Variants in IL33 observed in about 807,000 individuals in gnomAD.
IL33 encodes interleukin 33, also known as interleukin-33.
In IL33, 37 loss-of-function variants were observed where a neutral mutation model predicts 27.3. That is an observed-to-expected ratio of 1.36 (90% CI 1.04 to 1.78). The LOEUF (loss-of-function observed/expected upper bound fraction) is 1.78, where lower values mean the gene tolerates loss of function less well. Ranked by LOEUF, IL33 falls within the 40% of genes most tolerant of loss-of-function variation. IL33 has a pLI of 0.00. For missense variants in IL33, 406 were observed against 311.4 expected (o/e 1.30, Z -2.29); for synonymous variants, 132 against 102.9 (o/e 1.28, Z -1.71).
intron 1 of IL33, among the ~76,000 whole-genome samples, chr9:6,236,770 C>A (rs978829972): frequency 2.0e-5 from 3 of 152,140 alleles, no homozygotes; most frequent in African/African-American, 7.2e-5. Flanking sequence ...ACTTGGGAGG[C>A]TGAGACAGAA....
At chr9:6,247,906 A>C (rs1281638459) in intron 2 of IL33, among the ~76,000 whole-genome samples, 1 of 151,822 alleles carries the variant, frequency 6.6e-6, no homozygotes, top group Non-Finnish European at 1.5e-5. Flanking sequence ...CCACATGTAC[A>C]TCTTTAACTT....
intron 1 of IL33, among the ~76,000 whole-genome samples, chr9:6,233,874 G>A (rs1819048543): frequency 6.6e-6 from 1 of 152,084 alleles, no homozygotes; most frequent in Non-Finnish European, 1.5e-5. Flanking sequence ...TCTTGGAAAT[G>A]TCTTACTTCC....
intron 1 of IL33, among the ~76,000 whole-genome samples, chr9:6,233,082 A>G (rs12339348): frequency 1.3e-5 from 2 of 152,110 alleles, no homozygotes; most frequent in Non-Finnish European, 2.9e-5. Context: ...TTGTACAACC[A>G]TAACCACTCT....
At chr9:6,251,320 C>G in intron 4 of IL33, 55 bp downstream of exon 4, 2 of 1,600,722 alleles carry the variant, frequency 1.2e-6, no homozygotes, top group Non-Finnish European at 1.7e-6. Context: ...TGACACAGGA[C>G]CCCGGAAAGT....
chr9:6,223,290 T>A (rs1383823137), intron 1 of IL33, among the ~76,000 whole-genome samples: 1 of 152,126 alleles, frequency 6.6e-6, no homozygotes, highest in Non-Finnish European at 1.5e-5. Context: ...AACACAAAAA[T>A]TTTTTGTAAA....
chr9:6,231,443 C>T lies in IL33; in HGVS notation c.-11-10241C>T, dbSNP rs367979468. Among the ~76,000 whole-genome samples the T allele has an allele frequency of 4.6e-5, 7 of 152,212 alleles. No individual in the cohort carries two copies. In the East Asian group the frequency reaches 1.3e-3, roughly 29 times the overall value. ...CTTTGCCCCTGAGGTTTTCTCTTCC[C>T]TGTGTCTCTTCCCTTTCATATGTTC... is the stretch of plus-strand genomic sequence containing the variant. On this transcript the variant is annotated intron_variant, in intron 1 of 7. Coordinates refer to ENST00000682010, the MANE Select transcript of IL33 (RefSeq NM_033439.4).
intron 2 of IL33, among the ~76,000 whole-genome samples, chr9:6,247,430 C>T (rs7037276): frequency 0.94 from 143,559 of 152,284 alleles, 67,685 homozygotes; most frequent in East Asian, 1. Flanking sequence ...AAACGAAAGA[C>T]GGAGTGATTC....
At chr9:6,252,109 GA>G (rs1382828896) in intron 4 of IL33, among the ~76,000 whole-genome samples, 2 of 146,718 alleles carry the variant, frequency 1.4e-5, no homozygotes, top group Non-Finnish European at 3.0e-5. Flanking sequence ...ACTTTACCTG[GA>G]AATTGCATTT....
intron 1 of IL33, among the ~76,000 whole-genome samples, chr9:6,225,262 A>G (rs528081849): frequency 6.6e-6 from 1 of 152,226 alleles, no homozygotes; most frequent in African/African-American, 2.4e-5. Flanking sequence ...ATTAAATTCT[A>G]TACATGAAAC....
At chr9:6,253,125 T>G in intron 5 of IL33, 134 bp downstream of exon 5, 2 of 603,886 alleles carry the variant, frequency 3.3e-6, no homozygotes, top group East Asian at 3.0e-5. Context: ...CTAACTCTAA[T>G]GCATTGGCAG....
intron 4 of IL33, 136 bp downstream of exon 4, chr9:6,251,401 A>G: frequency 7.7e-7 from 1 of 1,303,606 alleles, no homozygotes. Flanking sequence ...TTTGCAGCTG[A>G]TGTACCCATC....
At chr9:6,254,898 G>C (rs998884567) in intron 7 of IL33, among the ~76,000 whole-genome samples, 3 of 152,074 alleles carry the variant, frequency 2.0e-5, no homozygotes, top group African/African-American at 7.2e-5. Flanking sequence ...CTTAAAGTTT[G>C]AGAAGCACTG....
Position 6,255,955 on chromosome 9 carries a change from C to A in IL33, c.613-13C>A. 6.2e-7 allele frequency: 1 copy of A among 1,611,614 alleles called. No homozygotes were observed. Among genetic ancestry groups the A allele is most frequent in the South Asian group, 1.1e-5 (1 of 90,954 alleles). On this transcript the variant is annotated splice_polypyrimidine_tract_variant and intron_variant, in intron 7 of 7. Coordinates refer to ENST00000682010, the MANE Select transcript of IL33 (RefSeq NM_033439.4). Reference sequence around the variant, plus strand: ...CATTCACATATGGATTGCTTTCTCTCTTGTTTCCTCAGCTCCATAAGTGTG... The same window carrying A: ...CATTCACATATGGATTGCTTTCTCTATTGTTTCCTCAGCTCCATAAGTGTG...
intron 1 of IL33, among the ~76,000 whole-genome samples, chr9:6,219,105 A>G (rs1439667316): frequency 1.3e-5 from 2 of 151,484 alleles, no homozygotes; most frequent in Non-Finnish European, 2.9e-5. Context: ...CCTTCTTTGT[A>G]TCTCAGTTTG....
chr9:6,236,010 CACACCCAT>C (rs1156565063), intron 1 of IL33, among the ~76,000 whole-genome samples: 1 of 114,046 alleles, frequency 8.8e-6, no homozygotes, highest in Non-Finnish European at 1.8e-5. Flanking sequence ...CACACCCACC[CACACCCAT>C]ACACACACAC....
At chr9:6,222,794 T>G (rs2066016217) in intron 1 of IL33, among the ~76,000 whole-genome samples, 2 of 152,174 alleles carry the variant, frequency 1.3e-5, no homozygotes, top group South Asian at 4.1e-4. Flanking sequence ...TTTGAAAGTG[T>G]TGATGTTGTA....
chr9:6,218,414 T>C (rs549379767), intron 1 of IL33, among the ~76,000 whole-genome samples: 13 of 152,114 alleles, frequency 8.5e-5, no homozygotes, highest in East Asian at 1.9e-4. Context: ...ATGGAAGAGA[T>C]TGAGAAACAG....
At position 6,222,243 on chromosome 9, in the gene IL33, T is replaced by C. The variant is rs150122967; in HGVS notation, c.-12+6391T>C. Among the ~76,000 whole-genome samples, 12 of 152,330 alleles carry C rather than the reference T, an allele frequency of 7.9e-5. No homozygotes were observed. In the East Asian group the frequency reaches 2.3e-3, roughly 29 times the overall value. ...TTCAGTTTTAAATGGCTTGTAATAA[T>C]CAAATTTAATTTCATCTAACAATGT... On this transcript the variant is annotated intron_variant, in intron 1 of 7. Coordinates refer to ENST00000682010, the MANE Select transcript of IL33 (RefSeq NM_033439.4).
rs537175695 is a variant in IL33 at position 6,218,024 on chromosome 9, C to T, written c.-12+2172C>T. Among the ~76,000 whole-genome samples, 111 of 152,254 alleles carry T rather than the reference C, an allele frequency of 7.3e-4. 1 individual carries two copies. The highest frequency in any genetic ancestry group is 2.6e-4 in the Admixed American group (4 of 15,280). On this transcript the variant is annotated intron_variant, in intron 1 of 7. Coordinates refer to ENST00000682010, the MANE Select transcript of IL33 (RefSeq NM_033439.4). ...TTAATGCTCCTCTTTTGATTTCCAC[C>T]CAGAAAATGTACCTCTCTGAGTTCA...
Sources: gnomAD v4.1 joint callset for allele counts (sites outside exome capture counted in the v4.1 genomes callset) on GRCh38, gnomAD v4.1.1 for gene constraint, MANE v1.5 for transcripts, NCBI Gene and HGNC (gene_info 2026-07-23, HGNC 2026-07-21) for gene names.